The following FRMD8 variants were observed in gnomAD, a reference collection of about 807,000 sequenced individuals.
The protein encoded by FRMD8 is FERM domain containing 8, also known as FERM domain-containing protein 8.
Under a neutral mutation model 54.2 loss-of-function variants are expected in FRMD8, and 37 were observed. The observed-to-expected ratio is 0.68, with a 90% CI of 0.53 to 0.90. The LOEUF is 0.90. Ranked by LOEUF, FRMD8 falls within the 40% of genes least tolerant of loss-of-function variation. The pLI is 0.00. For synonymous variants in FRMD8, 246 were observed against 286.9 expected (o/e 0.86, Z 1.44); for missense variants, 585 against 653.7 (o/e 0.89, Z 1.15).
the FRMD8 span, chr11:65,380,476 C>A: frequency 7.7e-7 from 1 of 1,304,708 alleles, no homozygotes; most frequent in Non-Finnish European, 1.0e-6. Flanking sequence ...GAGCCCATAC[C>A]CGGGTATCCC....
chr11:65,379,954 G>C, the FRMD8 span: 2 of 1,614,168 alleles, frequency 1.2e-6, no homozygotes, highest in South Asian at 1.1e-5. Context: ...TGGGAGGACA[G>C]AGCAGGTAGG....
chr11:65,409,408 T>C (rs749668129), intron 10 of FRMD8, among the ~76,000 whole-genome samples: 7 of 152,198 alleles, frequency 4.6e-5, no homozygotes, highest in Non-Finnish European at 1.0e-4. Flanking sequence ...TTTACGTGCT[T>C]GATCATATTT....
At chr11:65,373,244 A>G in the FRMD8 span, among the ~76,000 whole-genome samples, 15 of 152,318 alleles carry the variant, frequency 9.8e-5, no homozygotes, top group South Asian at 3.1e-3. Flanking sequence ...CTCAAAAGAA[A>G]AAAAAAGGGA....
At chr11:65,389,641 G>A (rs1855804118) in intron 3 of FRMD8, 113 bp downstream of exon 3, 2 of 1,108,220 alleles carry the variant, frequency 1.8e-6, no homozygotes, top group South Asian at 1.6e-5. Context: ...ACTGCCCATG[G>A]GGAAAGGTGG....
intron 8 of FRMD8, 99 bp downstream of exon 8, chr11:65,399,958 T>G: frequency 7.1e-7 from 1 of 1,417,326 alleles, no homozygotes; most frequent in Non-Finnish European, 9.6e-7. Context: ...GGGGGCAAGG[T>G]GGATGGACTG....
rs117981233 is a variant in FRMD8, at chr11:65,389,364, C to G, written c.89C>G (p.Ala30Gly). Residue 30 changes from alanine to glycine, a missense_variant, in exon 3 of 11, where the codon GCT becomes GGT. By Grantham distance (60) the Ala-to-Gly change is moderately conservative (BLOSUM62 0). Coordinates refer to ENST00000317568, the MANE Select transcript of FRMD8 (RefSeq NM_031904.5). Reference protein sequence around the residue: ...SSVSSVGARAADVLVYLADDT... With the variant: ...SSVSSVGARAGDVLVYLADDT... ...GCCTGCCTGGTCTCCATCACAGCGG[C>G]TGACGTGCTGGTATACCTAGCGGAT... 5.7e-4 allele frequency: 917 copies of G among 1,610,076 alleles called. 7 individuals carry two copies. The East Asian group carries it at 0.018, about 32-fold the overall frequency.
At position 65,387,077 on chromosome 11, in the gene FRMD8, C is replaced by T; in HGVS notation, c.41C>T (p.Ala14Val). 1 of 1,608,830 alleles carries T rather than the reference C, an allele frequency of 6.2e-7. No homozygotes were observed. Among genetic ancestry groups the T allele is most frequent in the Non-Finnish European group, 8.5e-7 (1 of 1,180,018 alleles). The change falls in exon 2 of 11, where the codon GCT becomes GTT. Residue 14 changes from alanine (A) to valine (V), a missense_variant. Ala to Val is a moderately conservative substitution (Grantham distance 64). Transcript: ENST00000317568. ...TEGSAGQPGPAERSHRSSVSS... is the reference protein window; with the variant it reads ...TEGSAGQPGPVERSHRSSVSS... ...GGCAGTGCCGGGCAGCCCGGCCCCG[C>T]TGAGCGATCCCACCGAAGCAGCGTG...
chr11:65,411,265 CCGA>C lies in FRMD8; in HGVS notation c.1301_1303del (p.Pro434_Lys435delinsGln). ...AGGCAAGGGGATCAGGCGAGTGAAGCCGAAGCGCACCACATCCTTCTTCAGCCG... is the reference window on the plus strand; with the variant it reads ...AGGCAAGGGGATCAGGCGAGTGAAGCAGCGCACCACATCCTTCTTCAGCCG... On this transcript the variant is annotated inframe_deletion, in exon 11 of 11. Transcript: ENST00000317568. The C allele has an allele frequency of 6.2e-7, 1 of 1,609,270 alleles. No individual in the cohort carries two copies. The highest frequency in any genetic ancestry group is 1.1e-5 in the South Asian group (1 of 90,592).
rs564238805 is a variant in FRMD8 at position 65,400,446 on chromosome 11, G to A, written c.928-278G>A. Among the ~76,000 whole-genome samples the A allele has an allele frequency of 2.2e-3, 338 of 152,268 alleles. 1 individual carries two copies. Among genetic ancestry groups the A allele is most frequent in the Non-Finnish European group, 3.5e-3 (235 of 68,008 alleles). The stretch of plus-strand genomic sequence containing the variant: ...CGCCCGACCTCATAGAAGAGACTCC[G>A]CTTCCCCACCTGCCTCCTCCCCCAC... On this transcript the variant is annotated intron_variant, in intron 8 of 10. Coordinates refer to ENST00000317568, the MANE Select transcript of FRMD8 (RefSeq NM_031904.5). The surrounding 1 kb of genome is among the most constrained non-coding windows in gnomAD (Gnocchi z 4.3).
the FRMD8 span, chr11:65,368,144 T>A: frequency 6.9e-6 from 1 of 144,138 alleles, no homozygotes; most frequent in Non-Finnish European, 1.5e-5. Flanking sequence ...GGCATTATCC[T>A]GACTCACTGC....
At chr11:65,384,094 AC>A (rs1855691056), upstream of FRMD8, among the ~76,000 whole-genome samples, 3 of 151,810 alleles carry the variant, frequency 2.0e-5, no homozygotes, top group Admixed American at 2.0e-4. Flanking sequence ...TCACCGCCTC[AC>A]CCCAGTTTGA....
the FRMD8 span, chr11:65,376,410 T>C: frequency 6.2e-7 from 1 of 1,612,736 alleles, no homozygotes; most frequent in Non-Finnish European, 8.5e-7. Flanking sequence ...GCAGGGCTCA[T>C]CCCCACCAGC....
chr11:65,379,686 A>C, the FRMD8 span: 4 of 1,264,096 alleles, frequency 3.2e-6, no homozygotes, highest in Non-Finnish European at 4.4e-6. Flanking sequence ...AAGTGGGGAC[A>C]GGCAGGGATG....
Position 65,411,930 on chromosome 11 carries a change from G to A in FRMD8, c.*570G>A, listed in dbSNP as rs754786827. 6.6e-6 allele frequency: 1 copy of A among 152,308 alleles called. No individual in the cohort carries two copies. Among genetic ancestry groups the A allele is most frequent in the Non-Finnish European group, 1.5e-5 (1 of 68,118 alleles). The allele number at this position is 152,308 out of a possible 1,614,324, so 9.4% of individuals were successfully genotyped here. On this transcript the variant is annotated 3_prime_UTR_variant, in exon 11 of 11. Transcript: ENST00000317568. ...TGGGCCACCACTCTGAGGAGGGTAG[G>A]AGGGGCCTCCCTGGATTGAACCGGG...
intron 3 of FRMD8, among the ~76,000 whole-genome samples, chr11:65,393,025 A>G (rs1377418610): frequency 1.3e-5 from 2 of 152,148 alleles, no homozygotes; most frequent in Admixed American, 6.5e-5. Context: ...GAGAGGAGAT[A>G]AGGTGGGAGG....
At chr11:65,377,353 A>T in the FRMD8 span, 1 of 1,311,634 alleles carries the variant, frequency 7.6e-7, no homozygotes, top group Non-Finnish European at 9.7e-7. Flanking sequence ...GCAGGCACTC[A>T]GAACAAGCCT....
At chr11:65,399,122 G>A (rs1222978307) in intron 7 of FRMD8, among the ~76,000 whole-genome samples, 1 of 151,534 alleles carries the variant, frequency 6.6e-6, no homozygotes, top group Non-Finnish European at 1.5e-5. Context: ...CTCAGCCTCC[G>A]GAGTAGCTGG....
At chr11:65,377,257 C>T in the FRMD8 span, 207 of 1,422,658 alleles carry the variant, frequency 1.5e-4, no homozygotes, top group Non-Finnish European at 1.8e-4. Flanking sequence ...TGCATGCGAC[C>T]GGGACAGGCC....
At position 65,404,849 on chromosome 11, in the gene FRMD8, C is replaced by A. The variant is rs375663742; in HGVS notation, c.1072-15C>A. 3 of 1,604,130 alleles carry A rather than the reference C, an allele frequency of 1.9e-6. No individual in the cohort carries two copies. The highest frequency in any genetic ancestry group is 1.1e-5 in the South Asian group (1 of 90,724). On this transcript the variant is annotated splice_polypyrimidine_tract_variant and intron_variant, in intron 9 of 10. Coordinates refer to ENST00000317568, the MANE Select transcript of FRMD8 (RefSeq NM_031904.5). This position sits in a 1 kb window ranked among gnomAD's most constrained non-coding sequence, Gnocchi z 4.7. Reference sequence around the variant, plus strand: ...GGGGCCCTGGCCAGGCCTCACACTGCCCCCTCCTCCCCAGGCCGAACTGAT... The same window carrying A: ...GGGGCCCTGGCCAGGCCTCACACTGACCCCTCCTCCCCAGGCCGAACTGAT...
Sources: allele counts gnomAD v4.1 joint callset (sites outside exome capture counted in the v4.1 genomes callset), GRCh38; gene constraint gnomAD v4.1.1; non-coding constraint Gnocchi (gnomAD v3.1); transcripts MANE v1.5; gene names NCBI Gene and HGNC (gene_info 2026-07-23, HGNC 2026-07-21).